WAC: variants seen among roughly 807,000 people sequenced by gnomAD.
The protein encoded by WAC is WW domain containing adaptor with coiled-coil, also known as WW domain-containing adapter protein with coiled-coil.
A neutral mutation model predicts 79.6 loss-of-function variants in WAC; 11 were observed. The observed-to-expected ratio is 0.14, with a 90% CI of 0.09 to 0.23. The LOEUF is 0.23. WAC is among the 10% of genes least tolerant of loss of function. The pLI is 1.00. For missense variants in WAC, 728 were observed against 773.5 expected (o/e 0.94, Z 0.70); for synonymous variants, 304 against 276.9 (o/e 1.10, Z -0.97).
intron 3 of WAC, among the ~76,000 whole-genome samples, chr10:28,563,833 C>G (rs1000431056): frequency 1.4e-5 from 2 of 146,586 alleles, no homozygotes; most frequent in African/African-American, 5.0e-5. Context: ...ATCTCCTGAC[C>G]TCGTGATCCG....
chr10:28,608,226 A>G lies in WAC; in HGVS notation c.960A>G (p.Thr320=), dbSNP rs1841054332. The G allele has an allele frequency of 3.7e-6, 6 of 1,614,136 alleles. No homozygotes were observed. Among genetic ancestry groups the G allele is most frequent in the Non-Finnish European group, 5.1e-6 (6 of 1,180,030 alleles). The change falls in exon 8 of 14, where the codon ACA becomes ACG. Residue 320 remains threonine, a synonymous_variant. Transcript: ENST00000354911. The stretch of plus-strand genomic sequence containing the variant: ...ACAAACCCGTATCACATTCTTGCAC[A>G]ACTCCTTCCACGTCTTCTGCCTCTG... ...SGDKPVSHSC[T]TPSTSSASGL...
At chr10:28,586,346 AT>A (rs1372894605) in intron 4 of WAC, among the ~76,000 whole-genome samples, 1 of 152,102 alleles carries the variant, frequency 6.6e-6, no homozygotes, top group East Asian at 1.9e-4. Context: ...TATGGTAAAG[AT>A]TAGGAAAAGC....
chr10:28,548,146 C>T (rs1205140964), intron 3 of WAC, among the ~76,000 whole-genome samples: 3 of 151,942 alleles, frequency 2.0e-5, no homozygotes, highest in Non-Finnish European at 4.4e-5. Flanking sequence ...TGGTCTTGAA[C>T]TCCTTACCTC....
At chr10:28,606,901 G>A (rs1377774743) in intron 7 of WAC, among the ~76,000 whole-genome samples, 2 of 152,126 alleles carry the variant, frequency 1.3e-5, no homozygotes, top group Non-Finnish European at 2.9e-5. Context: ...CATCAGAAAT[G>A]TTGAGTAAAT....
At chr10:28,573,700 G>T (rs1839095872) in intron 3 of WAC, among the ~76,000 whole-genome samples, 1 of 152,050 alleles carries the variant, frequency 6.6e-6, no homozygotes, top group Non-Finnish European at 1.5e-5. Flanking sequence ...TTTGGTGGGG[G>T]CGTAAGTTTT....
rs375800734 is a variant in WAC at position 28,535,689 on chromosome 10, A to G, written c.206A>G (p.Tyr69Cys). ...LRRSDSPENK[Y>C]SDSTGHSKAK... ...AGATCTGATAGTCCTGAAAACAAATACAGTGACAGCACAGGTCACAGTAAG... is the reference window on the plus strand; with the variant it reads ...AGATCTGATAGTCCTGAAAACAAATGCAGTGACAGCACAGGTCACAGTAAG... The change falls in exon 3 of 14, where the codon TAC becomes TGC. Residue 69 changes from tyrosine (Y) to cysteine (C), a missense_variant. Physicochemically the swap from Tyr to Cys is radical, Grantham distance 194 (BLOSUM62 -2). This residue lies in a region of WAC where 648 missense variants were observed against 661.5 expected (regional missense o/e 0.98). Coordinates refer to ENST00000354911, the MANE Select transcript of WAC (RefSeq NM_016628.5). 9.0e-5 allele frequency: 145 copies of G among 1,614,178 alleles called. No homozygotes were observed. The South Asian group carries it at 9.0e-4, about 10-fold the overall frequency.
intron 9 of WAC, 36 bp from the exon 10 acceptor site, chr10:28,611,738 T>C: frequency 6.2e-7 from 1 of 1,600,946 alleles, no homozygotes; most frequent in South Asian, 1.1e-5. Context: ...TTTTGTTTTG[T>C]TTTTCTTTAA....
At chr10:28,544,186 T>C (rs974890018) in intron 3 of WAC, among the ~76,000 whole-genome samples, 1 of 152,214 alleles carries the variant, frequency 6.6e-6, no homozygotes, top group African/African-American at 2.4e-5. Context: ...CCCACTTCTT[T>C]CCAGATTTTT....
At chr10:28,544,811 G>C (rs1032138913) in intron 3 of WAC, among the ~76,000 whole-genome samples, 7 of 151,890 alleles carry the variant, frequency 4.6e-5, no homozygotes, top group African/African-American at 1.5e-4. Context: ...CGCCTGTAAT[G>C]CCAGCACTTT....
At chr10:28,617,611 A>C in intron 12 of WAC, 46 bp from the exon 13 acceptor site, 1 of 1,486,184 alleles carries the variant, frequency 6.7e-7, no homozygotes, top group Non-Finnish European at 9.0e-7. Context: ...TATTTTGTGT[A>C]TGTTAATGTT....
chr10:28,577,394 A>G (rs1839299515), intron 3 of WAC, among the ~76,000 whole-genome samples: 1 of 152,148 alleles, frequency 6.6e-6, no homozygotes, highest in South Asian at 2.1e-4. Flanking sequence ...GTGCTATTCA[A>G]GTTTTTATTA....
chr10:28,539,869 TTTTTA>T (rs1836915112), intron 3 of WAC, among the ~76,000 whole-genome samples: 1 of 152,294 alleles, frequency 6.6e-6, no homozygotes, highest in South Asian at 2.1e-4. Flanking sequence ...CATAGTGAAG[TTTTTA>T]TTTTGTCATT....
At chr10:28,615,319 C>G (rs1841425788) in intron 11 of WAC, 1 of 152,088 alleles carries the variant, frequency 6.6e-6, no homozygotes, top group South Asian at 2.1e-4. Context: ...TTGTTGTTTT[C>G]TAAACAAGCA....
chr10:28,590,390 A>C (rs1344216592), intron 5 of WAC, among the ~76,000 whole-genome samples: 1 of 152,012 alleles, frequency 6.6e-6, no homozygotes, highest in Non-Finnish European at 1.5e-5. Context: ...CAGTATAGTT[A>C]ATAAAATACC....
At chr10:28,598,440 C>T (rs1840484831) in intron 7 of WAC, among the ~76,000 whole-genome samples, 1 of 152,198 alleles carries the variant, frequency 6.6e-6, no homozygotes, top group South Asian at 2.1e-4. Context: ...AACACTTAAA[C>T]ATTGTAATTT....
At chr10:28,602,271 T>A (rs1840681295) in intron 7 of WAC, among the ~76,000 whole-genome samples, 1 of 152,232 alleles carries the variant, frequency 6.6e-6, no homozygotes, top group African/African-American at 2.4e-5. Flanking sequence ...AACATGAAGA[T>A]TTTCTCAGTT....
At chr10:28,574,126 A>T in intron 3 of WAC, among the ~76,000 whole-genome samples, 1 of 151,558 alleles carries the variant, frequency 6.6e-6, no homozygotes, top group Non-Finnish European at 1.5e-5. Flanking sequence ...TTATTTTTTG[A>T]CTTTAAGAAT....
chr10:28,544,490 G>A (rs1480718126), intron 3 of WAC, among the ~76,000 whole-genome samples: 1 of 152,150 alleles, frequency 6.6e-6, no homozygotes, highest in Non-Finnish European at 1.5e-5. Context: ...ATGAAATTGT[G>A]TATATTTGTA....
chr10:28,617,838 A>T (rs1841538874), intron 13 of WAC, 54 bp downstream of exon 13: 1 of 1,512,298 alleles, frequency 6.6e-7, no homozygotes, highest in Admixed American at 2.5e-5. Flanking sequence ...TGATTCTTAA[A>T]TCGAACTAAA....
Sources: gnomAD v4.1 joint callset for allele counts (sites outside exome capture counted in the v4.1 genomes callset) on GRCh38, gnomAD v4.1.1 for gene constraint, gnomAD v4.1.1 regional missense constraint, MANE v1.5 for transcripts, NCBI Gene and HGNC (gene_info 2026-07-23, HGNC 2026-07-21) for gene names.